GOLM1: variants seen among roughly 807,000 people sequenced by gnomAD.
The protein encoded by GOLM1 is epididymis luminal protein 46.
Under a neutral mutation model 50.5 loss-of-function variants are expected in GOLM1, and 31 were observed. The ratio of observed to expected loss-of-function variants is 0.61; its 90% CI spans 0.46 to 0.83. The LOEUF (loss-of-function observed/expected upper bound fraction) is 0.83. Ranked by LOEUF, GOLM1 falls within the 40% of genes least tolerant of loss-of-function variation. The pLI, the probability that GOLM1 is intolerant of heterozygous loss-of-function variation, is 0.00. For synonymous variants in GOLM1, 178 were observed against 192.8 expected (o/e 0.92, Z 0.64); for missense variants, 491 against 501.3 (o/e 0.98, Z 0.20).
chr9:86,057,305 GTA>G (rs2118767448), intron 3 of GOLM1, among the ~76,000 whole-genome samples: 1 of 152,218 alleles, frequency 6.6e-6, no homozygotes, highest in Admixed American at 6.5e-5. Flanking sequence ...CTACAATAAA[GTA>G]TCACATTATG....
chr9:86,027,188 G>A lies in GOLM1; in HGVS notation c.*629C>T, dbSNP rs1832811698. Reference sequence around the variant, plus strand: ...CGTTTTGTACATTAAAAATGACAAGGGTTATTATACAAGTAGCCTTTTAAA... The same window carrying A: ...CGTTTTGTACATTAAAAATGACAAGAGTTATTATACAAGTAGCCTTTTAAA... On this transcript the variant is annotated 3_prime_UTR_variant, in exon 10 of 10. Transcript: ENST00000388712. 1 of 984,596 alleles carries A rather than the reference G, an allele frequency of 1.0e-6. No homozygotes were observed. Among genetic ancestry groups the A allele is most frequent in the Middle Eastern group, 5.2e-4 (1 of 1,914 alleles). The allele number at this position is 984,596 out of a possible 1,614,324, so 61.0% of individuals were successfully genotyped here.
Position 86,077,691 on chromosome 9 carries a change from G to T in GOLM1, c.130-100C>A, listed in dbSNP as rs1587732119. On this transcript the variant is annotated intron_variant, in intron 2 of 9. Transcript: ENST00000388712. Reference sequence around the variant, plus strand: ...AAGACCACCTTGGGGCCCAGGGCCAGCACCAGTCTTATACACACAAGTGCC... The same window carrying T: ...AAGACCACCTTGGGGCCCAGGGCCATCACCAGTCTTATACACACAAGTGCC... The T allele has an allele frequency of 3.8e-6, 3 of 780,184 alleles. No individual in the cohort carries two copies. In the Admixed American group the frequency reaches 6.1e-5, roughly 16 times the overall value. 48.3% of individuals were successfully genotyped at this position (780,184 alleles called of 1,614,324 possible).
chr9:86,097,311 T>G (rs528937423), intron 1 of GOLM1, among the ~76,000 whole-genome samples: 1 of 152,352 alleles, frequency 6.6e-6, no homozygotes, highest in Non-Finnish European at 1.5e-5. Flanking sequence ...CCATTCCTTC[T>G]GTTCCTTCTA....
At position 86,099,432 on chromosome 9, in the gene GOLM1, C is replaced by T. The variant is rs1408416539; in HGVS notation, c.-43G>A. On this transcript the variant is annotated 5_prime_UTR_variant, in exon 1 of 10. Transcript: ENST00000388712. ...TCACCTCTTTTCGAGGCTCCGGCCG[C>T]CACTCGGGGATCCGGGGCCCCGCTA... 4 of 151,530 alleles carry T rather than the reference C, an allele frequency of 2.6e-5. No individual in the cohort carries two copies. Among genetic ancestry groups the T allele is most frequent in the Non-Finnish European group, 5.9e-5 (4 of 67,820 alleles). The allele number at this position is 151,530 out of a possible 1,614,324, so 9.4% of individuals were successfully genotyped here.
At chr9:86,041,392 G>A (rs1020887743) in intron 5 of GOLM1, among the ~76,000 whole-genome samples, 11 of 152,186 alleles carry the variant, frequency 7.2e-5, no homozygotes, top group African/African-American at 2.4e-4. Context: ...AGGGAAGGGA[G>A]GAGTGGAGAT....
intron 4 of GOLM1, among the ~76,000 whole-genome samples, chr9:86,050,780 G>A (rs1199438583): frequency 6.6e-6 from 1 of 151,974 alleles, no homozygotes; most frequent in Non-Finnish European, 1.5e-5. Flanking sequence ...CTTGCTAGTG[G>A]TCTATCAATT....
chr9:86,031,449 G>GTTTTTTTT (rs774806772), intron 9 of GOLM1, among the ~76,000 whole-genome samples: 5 of 79,498 alleles, frequency 6.3e-5, no homozygotes, highest in Non-Finnish European at 9.4e-5. Flanking sequence ...TACCACTGAG[G>GTTTTTTTT]TTTTTTTTTT....
rs767209729 is a variant in GOLM1 at position 86,035,551 on chromosome 9, G to GCTCCC, written c.827_831dup (p.Gln278GlyfsTer10). On this transcript the variant is annotated frameshift_variant, in exon 8 of 10. Transcript: ENST00000388712. LOFTEE classifies it high-confidence loss of function. ...CCTACAGGTCTGTCTTCCACCACCT[G>GCTCCC]CTCCCGGCCTGGCTCCTGCGGCAGC... The GCTCCC allele has an allele frequency of 6.2e-7, 1 of 1,610,970 alleles. No homozygotes were observed. The highest frequency in any genetic ancestry group is 8.5e-7 in the Non-Finnish European group (1 of 1,179,894).
intron 3 of GOLM1, among the ~76,000 whole-genome samples, chr9:86,055,280 T>C (rs551483252): frequency 6.6e-6 from 1 of 152,302 alleles, no homozygotes; most frequent in African/African-American, 2.4e-5. Flanking sequence ...ACAGGTATGC[T>C]GTACATCAGG....
chr9:86,038,993 A>C (rs749429286), intron 6 of GOLM1, among the ~76,000 whole-genome samples: 33 of 152,314 alleles, frequency 2.2e-4, no homozygotes, highest in Non-Finnish European at 1.5e-5. Flanking sequence ...ACTAAACACC[A>C]GCAAGAAAGT....
intron 8 of GOLM1, among the ~76,000 whole-genome samples, chr9:86,033,626 G>T (rs1833049280): frequency 6.6e-6 from 1 of 152,208 alleles, no homozygotes; most frequent in Admixed American, 6.5e-5. Flanking sequence ...ATACAAGGGT[G>T]CATTCTAGGC....
chr9:86,094,679 C>T (rs1200182527), intron 1 of GOLM1, among the ~76,000 whole-genome samples: 2 of 152,132 alleles, frequency 1.3e-5, no homozygotes, highest in Admixed American at 6.5e-5. Flanking sequence ...TCTATAATCC[C>T]AGCACTTTGG....
intron 5 of GOLM1, among the ~76,000 whole-genome samples, chr9:86,041,421 C>T (rs922212514): frequency 1.3e-5 from 2 of 152,016 alleles, no homozygotes; most frequent in Non-Finnish European, 2.9e-5. Flanking sequence ...ACCCTGTGGC[C>T]GATGGTGTAA....
rs1052733036 is a variant in GOLM1, at chr9:86,069,319, CCTTT to C, written c.309+8089_309+8092del. On this transcript the variant is annotated intron_variant, in intron 3 of 9. Coordinates refer to ENST00000388712, the MANE Select transcript of GOLM1 (RefSeq NM_016548.4). ...ATCATTGCAAAAGGCGGCTTAATAT[CCTTT>C]CTTATACACAGAAAAGGAAGTGTGG... Among the ~76,000 whole-genome samples the C allele has an allele frequency of 1.3e-3, 202 of 152,258 alleles. 1 individual carries two copies. Among genetic ancestry groups the C allele is most frequent in the African/African-American group, 4.4e-3 (181 of 41,542 alleles).
intron 3 of GOLM1, among the ~76,000 whole-genome samples, chr9:86,060,003 G>A (rs1376281801): frequency 6.6e-6 from 1 of 151,340 alleles, no homozygotes. Context: ...TTAAAAAATG[G>A]CTAAAATAAT....
chr9:86,046,179 A>T, intron 5 of GOLM1, among the ~76,000 whole-genome samples: 1 of 152,236 alleles, frequency 6.6e-6, no homozygotes, highest in East Asian at 1.9e-4. Context: ...ACGCATGAGC[A>T]CCTATGAAAC....
At chr9:86,092,561 C>T (rs1835219879) in intron 1 of GOLM1, among the ~76,000 whole-genome samples, 1 of 152,204 alleles carries the variant, frequency 6.6e-6, no homozygotes, top group African/African-American at 2.4e-5. Context: ...CAGTGCTTGG[C>T]TGGCCAGGAA....
intron 7 of GOLM1, 140 bp downstream of exon 7, chr9:86,036,208 C>G: frequency 2.5e-6 from 2 of 815,032 alleles, no homozygotes; most frequent in South Asian, 2.9e-5. Context: ...GCCCCAATTC[C>G]AGGGGCCCAG....
Position 86,088,761 on chromosome 9 carries a change from A to T in GOLM1, c.-21-9420T>A, listed in dbSNP as rs534318607. The stretch of plus-strand genomic sequence containing the variant: ...TAATTGGGGCATTTAGCCCATTTAC[A>T]TTTAAGGTTAATATTGTTATGTGTG... On this transcript the variant is annotated intron_variant, in intron 1 of 9. Coordinates refer to ENST00000388712, the MANE Select transcript of GOLM1 (RefSeq NM_016548.4). Among the ~76,000 whole-genome samples the T allele has an allele frequency of 1.3e-3, 199 of 151,928 alleles. 2 individuals are homozygous for T. Among genetic ancestry groups the T allele is most frequent in the Admixed American group, 4.5e-3 (68 of 15,256 alleles).
Sources: gnomAD v4.1 joint callset for allele counts (sites outside exome capture counted in the v4.1 genomes callset) on GRCh38, gnomAD v4.1.1 for gene constraint, MANE v1.5 for transcripts, NCBI Gene and HGNC (gene_info 2026-07-23, HGNC 2026-07-21) for gene names.